The following LRBA variants were observed in gnomAD, a reference collection of about 807,000 sequenced individuals.
The protein encoded by LRBA is LPS responsive beige-like anchor protein.
Under a neutral mutation model 330.0 loss-of-function variants are expected in LRBA, and 176 were observed. The observed-to-expected ratio is 0.53, with a 90% CI of 0.47 to 0.60. The LOEUF (loss-of-function observed/expected upper bound fraction) is 0.60. Among genes scored for constraint, LRBA ranks in the 20% least tolerant of loss-of-function variants. LRBA has a pLI of 0.00. For synonymous variants in LRBA, 1,230 were observed against 1,193.0 expected (o/e 1.03, Z -0.64); for missense variants, 3,259 against 3,444.8 (o/e 0.95, Z 1.35).
intron 2 of LRBA, among the ~76,000 whole-genome samples, chr4:150,985,060 CCAG>C (rs1184669435): frequency 1.3e-5 from 2 of 152,130 alleles, no homozygotes; most frequent in Non-Finnish European, 2.9e-5. Flanking sequence ...GAGTTCAAGA[CCAG>C]CCTGGCCAAC....
At chr4:150,870,171 G>GT (rs1456637489) in intron 20 of LRBA, among the ~76,000 whole-genome samples, 1 of 152,046 alleles carries the variant, frequency 6.6e-6, no homozygotes, top group Non-Finnish European at 1.5e-5. Context: ...TCCAAATTTG[G>GT]TATTTTTATA....
chr4:150,974,339 G>T (rs988660021), intron 2 of LRBA, among the ~76,000 whole-genome samples: 1 of 152,164 alleles, frequency 6.6e-6, no homozygotes, highest in Non-Finnish European at 1.5e-5. Flanking sequence ...AATCTTAGTA[G>T]TGGTCCCTTT....
chr4:150,646,745 T>C (rs1361670125), intron 37 of LRBA, among the ~76,000 whole-genome samples: 1 of 152,038 alleles, frequency 6.6e-6, no homozygotes, highest in Non-Finnish European at 1.5e-5. Context: ...TCACTATAGG[T>C]TGCACATACC....
chr4:150,863,179 T>A (rs910953947), intron 22 of LRBA, among the ~76,000 whole-genome samples: 37 of 152,038 alleles, frequency 2.4e-4, no homozygotes, highest in Non-Finnish European at 5.9e-5. Context: ...AAGTCTGTAG[T>A]CCCAGCTACT....
At chr4:150,620,565 T>A (rs576489939) in intron 37 of LRBA, among the ~76,000 whole-genome samples, 1 of 152,150 alleles carries the variant, frequency 6.6e-6, no homozygotes, top group South Asian at 2.1e-4. Flanking sequence ...TAAGTGCCCA[T>A]CGAACAATGA....
At position 150,712,416 on chromosome 4, in the gene LRBA, C is replaced by T. The variant is rs370283722; in HGVS notation, c.5754+22842G>A. Among the ~76,000 whole-genome samples the T allele has an allele frequency of 6.6e-5, 10 of 152,056 alleles. No homozygotes were observed. The South Asian group carries it at 1.9e-3, about 28-fold the overall frequency. ...TCCAGATACATTAACATGTTGATGA[C>T]TATATTATAGGAATAAAAAAATAAT... On this transcript the variant is annotated intron_variant, in intron 36 of 56. Transcript: ENST00000651943.
At chr4:150,850,928 A>G in intron 23 of LRBA, 26 bp from the exon 24 acceptor site, 1 of 1,558,900 alleles carries the variant, frequency 6.4e-7, no homozygotes, top group South Asian at 1.2e-5. Flanking sequence ...AAAAAGTAAT[A>G]AAATAGGTTC....
At chr4:150,594,663 C>T (rs1773291108) in intron 38 of LRBA, among the ~76,000 whole-genome samples, 1 of 152,002 alleles carries the variant, frequency 6.6e-6, no homozygotes, top group South Asian at 2.1e-4. Context: ...TTTATCCTAA[C>T]TTAATACTTA....
intron 40 of LRBA, among the ~76,000 whole-genome samples, chr4:150,517,468 C>T (rs1344910019): frequency 6.6e-6 from 1 of 152,034 alleles, no homozygotes; most frequent in Non-Finnish European, 1.5e-5. Flanking sequence ...CTGCAGTAAG[C>T]CATGATCATG....
At chr4:150,423,275 T>C (rs1749079947) in intron 46 of LRBA, 4 of 903,220 alleles carry the variant, frequency 4.4e-6, no homozygotes, top group East Asian at 2.4e-5. Context: ...GCATCTCCTG[T>C]AGGGGTGTCT....
intron 53 of LRBA, among the ~76,000 whole-genome samples, chr4:150,288,005 T>C (rs536914225): frequency 3.9e-5 from 6 of 152,014 alleles, no homozygotes; most frequent in African/African-American, 1.4e-4. Context: ...TTTTTTTTTT[T>C]TTCTGAGACG....
In LRBA at chr4:150,951,912, T is replaced by TA. The variant is rs1736877434; in HGVS notation, c.217-22848dup. Among the ~76,000 whole-genome samples, 3 of 152,320 alleles carry TA rather than the reference T, an allele frequency of 2.0e-5. No homozygotes were observed. In the South Asian group the frequency reaches 6.2e-4, roughly 32 times the overall value. The stretch of plus-strand genomic sequence containing the variant: ...CTTCTTTAAAGCTTACTTATGTTTC[T>TA]AAAAAAACTCAGCATATGTTAAAAG... On this transcript the variant is annotated intron_variant, in intron 2 of 56. Transcript: ENST00000651943.
intron 17 of LRBA, among the ~76,000 whole-genome samples, chr4:150,878,021 C>T (rs541145861): frequency 1.3e-4 from 20 of 152,122 alleles, no homozygotes; most frequent in African/African-American, 4.8e-4. Flanking sequence ...CTCTAGGATA[C>T]AGCCAAAGCA....
intron 44 of LRBA, among the ~76,000 whole-genome samples, chr4:150,462,557 T>C (rs1476381299): frequency 6.6e-6 from 1 of 151,780 alleles, no homozygotes; most frequent in African/African-American, 2.4e-5. Flanking sequence ...GAAAGGATGC[T>C]GATTACATTA....
chr4:150,265,460 A>ATAAT lies in LRBA; in HGVS notation c.*258_*261dup. On this transcript the variant is annotated 3_prime_UTR_variant, in exon 57 of 57. Transcript: ENST00000651943. Reference sequence around the variant, plus strand: ...TTTACTTGCTCCACTGTATGTTTCCATAATTGGTGAAAATAGACTTCTCAT... The same window carrying ATAAT: ...TTTACTTGCTCCACTGTATGTTTCCATAATTAATTGGTGAAAATAGACTTCTCAT... The ATAAT allele has an allele frequency of 3.1e-6, 1 of 319,222 alleles. No homozygotes were observed. Among genetic ancestry groups the ATAAT allele is most frequent in the Non-Finnish European group, 6.0e-6 (1 of 166,090 alleles). 19.8% of individuals were successfully genotyped at this position (319,222 alleles called of 1,614,324 possible). A position where few individuals can be genotyped will look rare whatever the true frequency, so the allele number is the denominator to read the frequency against.
At chr4:150,393,004 CTTAAAG>C (rs1744213330) in intron 47 of LRBA, among the ~76,000 whole-genome samples, 1 of 151,170 alleles carries the variant, frequency 6.6e-6, no homozygotes, top group Non-Finnish European at 1.5e-5. Flanking sequence ...TATCCCAGAA[CTTAAAG>C]TTAAAAAAAA....
chr4:150,751,642 AT>A (rs1225241694), intron 35 of LRBA, among the ~76,000 whole-genome samples: 6 of 152,192 alleles, frequency 3.9e-5, no homozygotes, highest in Non-Finnish European at 7.4e-5. Context: ...AAATGTCTAA[AT>A]GCAGAGCATA....
intron 34 of LRBA, among the ~76,000 whole-genome samples, chr4:150,788,389 T>C (rs1739395348): frequency 6.6e-6 from 1 of 151,962 alleles, no homozygotes; most frequent in Non-Finnish European, 1.5e-5. Flanking sequence ...TGAGCCACGA[T>C]GCCTGGCGCT....
chr4:150,663,132 A>T (rs1781270461), intron 37 of LRBA, among the ~76,000 whole-genome samples: 2 of 152,248 alleles, frequency 1.3e-5, no homozygotes, highest in Admixed American at 1.3e-4. Flanking sequence ...AATTGCTCAC[A>T]TTCAGACCTT....
Sources: allele counts gnomAD v4.1 joint callset (sites outside exome capture counted in the v4.1 genomes callset), GRCh38; gene constraint gnomAD v4.1.1; transcripts MANE v1.5; gene names NCBI Gene and HGNC (gene_info 2026-07-23, HGNC 2026-07-21).